The following MAGI2 variants were observed in gnomAD, a reference collection of about 807,000 sequenced individuals.
MAGI2 encodes the protein membrane-associated guanylate kinase, WW and PDZ domain-containing protein 2.
MAGI2 carries 35 observed loss-of-function variants against 133.3 expected under a neutral mutation model. The ratio of observed to expected loss-of-function variants is 0.26; its 90% CI spans 0.20 to 0.35. The LOEUF (loss-of-function observed/expected upper bound fraction) is 0.35. MAGI2 is among the 10% of genes least tolerant of loss of function. MAGI2 has a pLI of 1.00. For missense variants in MAGI2, 1,636 were observed against 1,863.4 expected, an observed-to-expected ratio of 0.88 and a Z score of 2.25; for synonymous variants, 729 against 710.6, an observed-to-expected ratio of 1.03 and a Z score of -0.41.
intron 1 of MAGI2, among the ~76,000 whole-genome samples, chr7:79,340,937 G>T (rs532497727): frequency 6.6e-6 from 1 of 152,176 alleles, no homozygotes; most frequent in African/African-American, 2.4e-5. Flanking sequence ...GTTGAATATG[G>T]GAACTCTGGC....
chr7:78,968,291 C>T (rs975832522), intron 2 of MAGI2, among the ~76,000 whole-genome samples: 2 of 151,914 alleles, frequency 1.3e-5, no homozygotes, highest in Admixed American at 6.6e-5. Flanking sequence ...GTGAAAGATG[C>T]CACTGAGATT....
intron 1 of MAGI2, among the ~76,000 whole-genome samples, chr7:79,310,112 C>T (rs765006670): frequency 2.5e-4 from 31 of 121,754 alleles, no homozygotes; most frequent in African/African-American, 2.5e-4. Flanking sequence ...TGCAACAAGC[C>T]GAGATCGTGC....
intron 3 of MAGI2, among the ~76,000 whole-genome samples, chr7:78,523,848 A>G (rs1050782994): frequency 3.3e-5 from 5 of 152,174 alleles, no homozygotes; most frequent in African/African-American, 1.2e-4. Context: ...GGACACAGCC[A>G]AGCCATATCA....
chr7:78,844,217 A>T (rs1386136908), intron 2 of MAGI2, among the ~76,000 whole-genome samples: 1 of 151,660 alleles, frequency 6.6e-6, no homozygotes, highest in Non-Finnish European at 1.5e-5. Flanking sequence ...ACAGTCTTCC[A>T]ATAATTGTAT....
rs528787158 is a variant in MAGI2, at chr7:78,565,372, G to T, written c.539-43727C>A. Among the ~76,000 whole-genome samples the T allele has an allele frequency of 5.9e-5, 9 of 151,866 alleles. No homozygotes were observed. The South Asian group carries it at 1.9e-3, about 32-fold the overall frequency. On this transcript the variant is annotated intron_variant, in intron 3 of 21. Coordinates refer to ENST00000354212, the MANE Select transcript of MAGI2 (RefSeq NM_012301.4). ...CCTAGCTACTTGGGAGGCTGAAGTA[G>T]GAGGATCGTTTGAGCCCAAGATTTC...
chr7:78,875,252 A>G (rs2151530617), intron 2 of MAGI2, among the ~76,000 whole-genome samples: 1 of 152,314 alleles, frequency 6.6e-6, no homozygotes. Context: ...TAACTCCTTT[A>G]TTGATTGGGT....
chr7:78,332,737 A>G (rs1789361046), intron 9 of MAGI2, among the ~76,000 whole-genome samples: 1 of 150,508 alleles, frequency 6.6e-6, no homozygotes, highest in Admixed American at 6.6e-5. Context: ...GTGGCTAGAA[A>G]GTGTTCAGTG....
chr7:79,406,238 A>C (rs1335140945), intron 1 of MAGI2, among the ~76,000 whole-genome samples: 1 of 152,112 alleles, frequency 6.6e-6, no homozygotes, highest in African/African-American at 2.4e-5. Context: ...AGCATGTTAG[A>C]GTACAAGAGG....
intron 2 of MAGI2, among the ~76,000 whole-genome samples, chr7:78,688,002 GAA>G (rs1816549794): frequency 1.1e-5 from 1 of 93,182 alleles, no homozygotes; most frequent in African/African-American, 3.9e-5. Flanking sequence ...AAAAAAAAAA[GAA>G]AAAAGAAAAG....
intron 1 of MAGI2, among the ~76,000 whole-genome samples, chr7:79,024,988 C>T (rs570357131): frequency 1.2e-4 from 18 of 152,102 alleles, no homozygotes; most frequent in Non-Finnish European, 1.8e-4. Context: ...TTTGACCCAG[C>T]AATCCCATTA....
At chr7:78,323,903 T>C (rs1204025105) in intron 9 of MAGI2, among the ~76,000 whole-genome samples, 1 of 152,074 alleles carries the variant, frequency 6.6e-6, no homozygotes, top group Non-Finnish European at 1.5e-5. Flanking sequence ...TCAATGAGGG[T>C]TGGGAGCAAA....
At chr7:78,783,012 C>CTTTTTTTTTTTTTTTTTTT (rs11432048) in intron 2 of MAGI2, among the ~76,000 whole-genome samples, 25 of 96,176 alleles carry the variant, frequency 2.6e-4, no homozygotes, top group Admixed American at 7.4e-4. Context: ...TGATTCTTAC[C>CTTTTTTTTTTTTTTTTTTT]TTTTTTTTTT....
intron 9 of MAGI2, among the ~76,000 whole-genome samples, chr7:78,288,375 C>T (rs139119675): frequency 7.9e-5 from 12 of 152,262 alleles, no homozygotes; most frequent in African/African-American, 2.6e-4. Context: ...AACAGTAATT[C>T]AAAATTAAAG....
chr7:78,102,703 A>G (rs1006611921), intron 20 of MAGI2, among the ~76,000 whole-genome samples: 1 of 152,220 alleles, frequency 6.6e-6, no homozygotes, highest in African/African-American at 2.4e-5. Context: ...TTAGTTACAG[A>G]AAACAAGGCA....
At chr7:79,420,497 C>G (rs949847914) in intron 1 of MAGI2, among the ~76,000 whole-genome samples, 4 of 151,866 alleles carry the variant, frequency 2.6e-5, no homozygotes, top group Non-Finnish European at 5.9e-5. Flanking sequence ...TCAATGTCAA[C>G]ATTATTCATC....
At chr7:78,752,435 A>G (rs1480859611) in intron 2 of MAGI2, among the ~76,000 whole-genome samples, 1 of 151,860 alleles carries the variant, frequency 6.6e-6, no homozygotes, top group Non-Finnish European at 1.5e-5. Flanking sequence ...AAACCCCGTC[A>G]CTACTAAATA....
chr7:78,258,973 C>T (rs961317452), intron 9 of MAGI2, among the ~76,000 whole-genome samples: 2 of 152,162 alleles, frequency 1.3e-5, no homozygotes, highest in East Asian at 3.8e-4. Flanking sequence ...AAAGAGGTCA[C>T]ATTGATTTAC....
intron 2 of MAGI2, among the ~76,000 whole-genome samples, chr7:78,913,360 G>A (rs914533357): frequency 6.6e-5 from 10 of 152,002 alleles, no homozygotes; most frequent in African/African-American, 2.2e-4. Flanking sequence ...TTGCACTTTT[G>A]CCTCTCTTGC....
At chr7:78,828,015 G>A (rs1219851490) in intron 2 of MAGI2, among the ~76,000 whole-genome samples, 1 of 152,136 alleles carries the variant, frequency 6.6e-6, no homozygotes, top group African/African-American at 2.4e-5. Context: ...CTCCCAAGTA[G>A]CTTGGACTAC....
Sources: allele counts gnomAD v4.1 joint callset (sites outside exome capture counted in the v4.1 genomes callset), GRCh38; gene constraint gnomAD v4.1.1; transcripts MANE v1.5; gene names NCBI Gene and HGNC (gene_info 2026-07-23, HGNC 2026-07-21).